AFF3: variants seen among roughly 807,000 people sequenced by gnomAD.
AFF3 encodes AF4/FMR2 family member 3.
In AFF3, 32 loss-of-function variants were observed where a neutral mutation model predicts 129.7. That is an observed-to-expected ratio of 0.25 (90% CI 0.19 to 0.33). The LOEUF is 0.33. Ranked by LOEUF, AFF3 falls within the 10% of genes least tolerant of loss-of-function variation. The pLI is 1.00. For synonymous variants in AFF3, 644 were observed against 635.4 expected, an observed-to-expected ratio of 1.01 and a Z score of -0.20; for missense variants, 1,373 against 1,592.0, an observed-to-expected ratio of 0.86 and a Z score of 2.34.
At chr2:99,678,580 CTTTGT>C (rs1447424339) in intron 11 of AFF3, among the ~76,000 whole-genome samples, 3 of 152,134 alleles carry the variant, frequency 2.0e-5, no homozygotes, top group African/African-American at 4.8e-5. Context: ...TTTCATTTTG[CTTTGT>C]TTTAATGGTT....
chr2:99,551,289 AGGC>A lies in AFF3; in HGVS notation c.*182_*184del. 1.4e-6 allele frequency: 1 copy of A among 740,048 alleles called. No individual in the cohort carries two copies. The highest frequency in any genetic ancestry group is 1.9e-5 in the South Asian group (1 of 53,224). 45.8% of individuals were successfully genotyped at this position (740,048 alleles called of 1,614,324 possible). ...AGCTGTGTATCTTACACACATACAC[AGGC>A]GGCTTCTTATATACCCACACATACA... On this transcript the variant is annotated 3_prime_UTR_variant, in exon 25 of 25. Transcript: ENST00000672756.
intron 8 of AFF3, among the ~76,000 whole-genome samples, chr2:99,803,064 T>C (rs985099969): frequency 2.0e-5 from 3 of 152,172 alleles, no homozygotes; most frequent in African/African-American, 7.2e-5. Flanking sequence ...TTTCAACTTT[T>C]CCCCATTCAG....
At position 99,979,652 on chromosome 2, in the gene AFF3, AATTTT is replaced by A. The variant is rs146263850; in HGVS notation, c.873+26975_873+26979del. ...CACCACCACGACCAGCTAATTTTTA[AATTTT>A]AACTTTTGTAGAGATGGGGTCTCTT... On this transcript the variant is annotated intron_variant, in intron 7 of 24. Transcript: ENST00000672756. 3.3e-3 allele frequency among the ~76,000 whole-genome samples: 500 copies of A among 152,052 alleles called. 3 individuals carry two copies. Among genetic ancestry groups the A allele is most frequent in the African/African-American group, 0.012 (485 of 41,480 alleles).
chr2:100,036,711 T>C (rs191494766), intron 4 of AFF3, among the ~76,000 whole-genome samples: 3 of 150,824 alleles, frequency 2.0e-5, no homozygotes, highest in Admixed American at 1.3e-4. Context: ...ATGATATATA[T>C]AAAGAGCTCT....
At chr2:100,078,924 G>A (rs796895372) in intron 4 of AFF3, among the ~76,000 whole-genome samples, 7 of 150,128 alleles carry the variant, frequency 4.7e-5, no homozygotes, top group African/African-American at 1.2e-4. Context: ...TTTTATTGGG[G>A]CTCCTTTGCT....
intron 7 of AFF3, among the ~76,000 whole-genome samples, chr2:99,884,683 C>T (rs1296111640): frequency 6.6e-6 from 1 of 152,194 alleles, no homozygotes; most frequent in East Asian, 1.9e-4. Context: ...GAATTACAGG[C>T]ATGAGCCACT....
At chr2:99,616,237 A>G (rs1681415157) in intron 13 of AFF3, among the ~76,000 whole-genome samples, 1 of 152,000 alleles carries the variant, frequency 6.6e-6, no homozygotes, top group Non-Finnish European at 1.5e-5. Context: ...ATTCATATAT[A>G]TTTTCAGTTC....
At chr2:99,591,875 C>T (rs1678716126) in intron 15 of AFF3, among the ~76,000 whole-genome samples, 1 of 152,146 alleles carries the variant, frequency 6.6e-6, no homozygotes, top group Non-Finnish European at 1.5e-5. Context: ...TGTTCCCTCT[C>T]CGTAAAATGG....
chr2:99,654,655 C>A (rs995247416), intron 12 of AFF3, among the ~76,000 whole-genome samples: 10 of 152,146 alleles, frequency 6.6e-5, no homozygotes, highest in African/African-American at 2.4e-4. Flanking sequence ...CAGTTCTCAG[C>A]AAAATAGGTT....
chr2:100,064,965 C>G (rs1456591011), intron 4 of AFF3, among the ~76,000 whole-genome samples: 1 of 152,146 alleles, frequency 6.6e-6, no homozygotes, highest in Admixed American at 6.5e-5. Flanking sequence ...TTAAGTCATG[C>G]CGATAATGTG....
At chr2:99,672,390 C>T in intron 12 of AFF3, 148 bp downstream of exon 12, 1 of 653,956 alleles carries the variant, frequency 1.5e-6, no homozygotes, top group East Asian at 2.6e-5. Flanking sequence ...AATATACTGA[C>T]CCAACTGCAT....
At chr2:99,951,242 T>A (rs1676138228) in intron 7 of AFF3, among the ~76,000 whole-genome samples, 1 of 152,168 alleles carries the variant, frequency 6.6e-6, no homozygotes, top group Non-Finnish European at 1.5e-5. Context: ...AAGAGGATCA[T>A]TTTTGCAAAA....
intron 18 of AFF3, 29 bp downstream of exon 18, chr2:99,578,298 T>A: frequency 6.3e-7 from 1 of 1,576,550 alleles, no homozygotes; most frequent in Non-Finnish European, 8.6e-7. Context: ...GTCTTGCCCC[T>A]CACCACATTT....
intron 4 of AFF3, among the ~76,000 whole-genome samples, chr2:100,075,384 T>A (rs151302440): frequency 1.8e-3 from 272 of 152,284 alleles, no homozygotes; most frequent in African/African-American, 6.1e-3. Flanking sequence ...AGGGGGCATT[T>A]CTTTATATTA....
intron 7 of AFF3, among the ~76,000 whole-genome samples, chr2:99,839,458 A>G (rs1335763997): frequency 6.6e-6 from 1 of 152,042 alleles, no homozygotes; most frequent in Non-Finnish European, 1.5e-5. Context: ...CATTGGCTGT[A>G]CCATTTTACA....
At chr2:99,886,255 T>C (rs879791029) in intron 7 of AFF3, among the ~76,000 whole-genome samples, 2 of 152,190 alleles carry the variant, frequency 1.3e-5, no homozygotes, top group Non-Finnish European at 2.9e-5. Flanking sequence ...CTGATCACCA[T>C]GTTCCATGCA....
intron 7 of AFF3, among the ~76,000 whole-genome samples, chr2:99,971,455 C>T (rs1448702339): frequency 6.6e-6 from 1 of 152,190 alleles, no homozygotes; most frequent in Non-Finnish European, 1.5e-5. Context: ...AAATTCTCTA[C>T]AATATAACCT....
intron 7 of AFF3, among the ~76,000 whole-genome samples, chr2:99,937,699 G>T (rs1267331289): frequency 6.6e-6 from 1 of 152,112 alleles, no homozygotes; most frequent in Non-Finnish European, 1.5e-5. Context: ...GCCCGGCCCT[G>T]CATTTGATTT....
intron 2 of AFF3, among the ~76,000 whole-genome samples, chr2:100,111,574 C>A (rs934347970): frequency 2.0e-5 from 3 of 152,262 alleles, no homozygotes; most frequent in Non-Finnish European, 2.9e-5. Context: ...ATGGCATTTA[C>A]GAAAAACAGT....
Sources: allele counts gnomAD v4.1 joint callset (sites outside exome capture counted in the v4.1 genomes callset), GRCh38; gene constraint gnomAD v4.1.1; transcripts MANE v1.5; gene names NCBI Gene and HGNC (gene_info 2026-07-23, HGNC 2026-07-21).